BHLHE41: variants seen among roughly 807,000 people sequenced by gnomAD.
The protein encoded by BHLHE41 is class E basic helix-loop-helix protein 41.
In BHLHE41, 14 loss-of-function variants were observed where a neutral mutation model predicts 24.0. That is an observed-to-expected ratio of 0.58 (90% CI 0.39 to 0.91). BHLHE41 has a LOEUF of 0.91. BHLHE41 is among the 40% of genes least tolerant of loss of function. The pLI, the probability that BHLHE41 is intolerant of heterozygous loss-of-function variation, is 0.00. For synonymous variants in BHLHE41, 394 were observed against 315.5 expected (o/e 1.25, Z -2.64); for missense variants, 674 against 655.4 (o/e 1.03, Z -0.31).
Position 26,122,214 on chromosome 12 carries a change from A to T in BHLHE41, c.1301T>A (p.Leu434Gln). The change falls in exon 5 of 5, where the codon CTG becomes CAG. Residue 434 changes from leucine to glutamine, a missense_variant. Coordinates refer to ENST00000242728, the MANE Select transcript of BHLHE41 (RefSeq NM_030762.3). ...EKAGAAAATL[L>Q]PHEVAPLGAP... ...CCCAAGGGGCGCCACCTCGTGCGGC[A>T]GGAGGGTCGCGGCGGCGGCGCCCGC... is the stretch of plus-strand genomic sequence containing the variant. 7.5e-7 allele frequency: 1 copy of T among 1,326,142 alleles called. No homozygotes were observed. The highest frequency in any genetic ancestry group is 9.6e-7 in the Non-Finnish European group (1 of 1,040,054). 82.1% of individuals were successfully genotyped at this position (1,326,142 alleles called of 1,614,324 possible).
Position 26,122,436 on chromosome 12 carries a change from G to A in BHLHE41, c.1079C>T (p.Ala360Val), listed in dbSNP as rs1293749220. 2 of 1,355,440 alleles carry A rather than the reference G, an allele frequency of 1.5e-6. No individual in the cohort carries two copies. Among genetic ancestry groups the A allele is most frequent in the Non-Finnish European group, 1.9e-6 (2 of 1,043,564 alleles). The allele number at this position is 1,355,440 out of a possible 1,614,324, so 84.0% of individuals were successfully genotyped here. Reference sequence around the variant, plus strand: ...GTCCAGGAAGGGCTGCACGTAGGCGGCAGCTGCAGAAGGCGAGAGGAAGCA... The same window carrying A: ...GTCCAGGAAGGGCTGCACGTAGGCGACAGCTGCAGAAGGCGAGAGGAAGCA... ...PFCFLSPSAA[A>V]AYVQPFLDKS... The change falls in exon 5 of 5, where the codon GCC becomes GTC. Residue 360 changes from alanine to valine, a missense_variant. Ala to Val is a moderately conservative substitution (Grantham distance 64). Transcript: ENST00000242728.
rs755381287 is a variant in BHLHE41, at chr12:26,122,051, TC to T, written c.*14del. The T allele has an allele frequency of 6.5e-7, 1 of 1,549,146 alleles. No individual in the cohort carries two copies. Among genetic ancestry groups the T allele is most frequent in the South Asian group, 1.2e-5 (1 of 84,052 alleles). ...CTCACTCTGCTTGAACCTCCGTCCT[TC>T]GGGACGCAAGGATTCAGGGAGCTTC... is the stretch of plus-strand genomic sequence containing the variant. On this transcript the variant is annotated 3_prime_UTR_variant, in exon 5 of 5. Transcript: ENST00000242728.
In BHLHE41 at chr12:26,121,736, A is replaced by G; in HGVS notation, c.*330T>C. 1 of 340,674 alleles carries G rather than the reference A, an allele frequency of 2.9e-6. No individual in the cohort carries two copies. Among genetic ancestry groups the G allele is most frequent in the Non-Finnish European group, 5.5e-6 (1 of 182,146 alleles). The allele number at this position is 340,674 out of a possible 1,614,324, so 21.1% of individuals were successfully genotyped here. On this transcript the variant is annotated 3_prime_UTR_variant, in exon 5 of 5. Coordinates refer to ENST00000242728, the MANE Select transcript of BHLHE41 (RefSeq NM_030762.3). ...AATTAGGTTCCAATTTTAAGAGATA[A>G]TGGAACATGGCCTAAAAGGGGGCAA...
rs1944319267 is a variant in BHLHE41, at chr12:26,122,522, TCCGCCGAACGC to T, written c.982_992del (p.Ala328ArgfsTer168). 1 of 1,278,020 alleles carries T rather than the reference TCCGCCGAACGC, an allele frequency of 7.8e-7. No homozygotes were observed. The highest frequency in any genetic ancestry group is 1.6e-5 in the African/African-American group (1 of 62,562). The allele number at this position is 1,278,020 out of a possible 1,614,324, so 79.2% of individuals were successfully genotyped here. On this transcript the variant is annotated frameshift_variant, in exon 5 of 5. Transcript: ENST00000242728. LOFTEE classifies it high-confidence loss of function. The stretch of plus-strand genomic sequence containing the variant: ...GCTGCGGGAAGGGCGCGCCTCCGCC[TCCGCCGAACGC>T]CACCAGCGAGCTGAGCAGGGCGGCG...
Position 26,122,137 on chromosome 12 carries a change from G to T in BHLHE41, c.1378C>A (p.Pro460Thr). 1 of 1,548,858 alleles carries T rather than the reference G, an allele frequency of 6.5e-7. No individual in the cohort carries two copies. Among genetic ancestry groups the T allele is most frequent in the South Asian group, 1.2e-5 (1 of 83,942 alleles). The change falls in exon 5 of 5, where the codon CCC (proline) becomes ACC (threonine). Residue 460 changes from proline to threonine, a missense_variant. By Grantham distance (38) the Pro-to-Thr change is conservative. Around this residue, in one of 3 missense-constraint regions of BHLHE41, gnomAD observed 602 missense variants for 570.8 expected, o/e 1.05. Coordinates refer to ENST00000242728, the MANE Select transcript of BHLHE41 (RefSeq NM_030762.3). ...HGRTHLPFAG[P>T]REPGNPESSA... ...CTCTCCGGGTTCCCCGGCTCGCGGG[G>T]CCCGGCGAAGGGCAGGTGGGTGCGG...
chr12:26,120,434 TA>T lies in BHLHE41; in HGVS notation c.*1631del, dbSNP rs1222300297. 2 of 152,662 alleles carry T rather than the reference TA, an allele frequency of 1.3e-5. No homozygotes were observed. Among genetic ancestry groups the T allele is most frequent in the South Asian group, 2.1e-4 (1 of 4,830 alleles). 9.5% of individuals were successfully genotyped at this position (152,662 alleles called of 1,614,324 possible). On this transcript the variant is annotated 3_prime_UTR_variant, in exon 5 of 5. Coordinates refer to ENST00000242728, the MANE Select transcript of BHLHE41 (RefSeq NM_030762.3). ...CAGCTGGTTTCTCACAGACAGTATTTATTTTTTTAAAATAATTTAAGACAGC... is the reference window on the plus strand; with the variant it reads ...CAGCTGGTTTCTCACAGACAGTATTTTTTTTTTAAAATAATTTAAGACAGC...
Position 26,124,860 on chromosome 12 carries a change from T to C in BHLHE41, c.-81A>G. The C allele has an allele frequency of 7.3e-7, 1 of 1,378,454 alleles. No individual in the cohort carries two copies. The highest frequency in any genetic ancestry group is 1.0e-6 in the Non-Finnish European group (1 of 969,028). 85.4% of individuals were successfully genotyped at this position (1,378,454 alleles called of 1,614,324 possible). A position where few individuals can be genotyped will look rare whatever the true frequency, so the allele number is the denominator to read the frequency against. On this transcript the variant is annotated 5_prime_UTR_variant, in exon 1 of 5. Transcript: ENST00000242728. ...TGTGGGACGGTAGGCTTGGGAGACC[T>C]TGGGGGGATCTGTGCGTCTCCAGTC...
chr12:26,123,995 C>A, intron 3 of BHLHE41, 77 bp downstream of exon 3: 1 of 1,036,100 alleles, frequency 9.7e-7, no homozygotes, highest in South Asian at 1.3e-5. Flanking sequence ...TACATTTATT[C>A]TTATATTTTC....
rs7972225 is a variant in BHLHE41 at position 26,123,825 on chromosome 12, A to G, written c.235-84T>C. 7,367 of 906,370 alleles carry G rather than the reference A, an allele frequency of 8.1e-3. 374 individuals are homozygous for G. In the African/African-American group the frequency reaches 0.1, roughly 13 times the overall value. 56.1% of individuals were successfully genotyped at this position (906,370 alleles called of 1,614,324 possible). Reference sequence around the variant, plus strand: ...AATTGGCTGTCCATTCAGCACAGCAATTTAAGCAAACACTTTGAAAGAAGT... The same window carrying G: ...AATTGGCTGTCCATTCAGCACAGCAGTTTAAGCAAACACTTTGAAAGAAGT... On this transcript the variant is annotated intron_variant, in intron 3 of 4. Coordinates refer to ENST00000242728, the MANE Select transcript of BHLHE41 (RefSeq NM_030762.3).
rs1396493415 is a variant in BHLHE41, at chr12:26,121,277, T to G, written c.*789A>C. ...ATGAGTCCATTAATTCATGGTCAAT[T>G]TCTCAATAAAGTGTTAGCAAATGTA... On this transcript the variant is annotated 3_prime_UTR_variant, in exon 5 of 5. Coordinates refer to ENST00000242728, the MANE Select transcript of BHLHE41 (RefSeq NM_030762.3). 2.0e-5 allele frequency: 3 copies of G among 152,592 alleles called. No homozygotes were observed. Among genetic ancestry groups the G allele is most frequent in the African/African-American group, 7.2e-5 (3 of 41,444 alleles). The allele number at this position is 152,592 out of a possible 1,614,324, so 9.5% of individuals were successfully genotyped here.
At chr12:26,123,302 G>T (rs1944331692) in intron 4 of BHLHE41, 134 bp from the exon 5 acceptor site, 2 of 1,242,840 alleles carry the variant, frequency 1.6e-6, no homozygotes, top group South Asian at 1.6e-5. Flanking sequence ...CAGTATTCAA[G>T]TGATATAATC....
chr12:26,123,909 C>A, intron 3 of BHLHE41, 163 bp downstream of exon 3: 1 of 739,850 alleles, frequency 1.4e-6, no homozygotes, highest in Non-Finnish European at 2.4e-6. Context: ...TTCTTGCCTT[C>A]AGCTGGGAGC....
intron 2 of BHLHE41, 91 bp from the exon 3 acceptor site, chr12:26,124,270 A>AC: frequency 3.2e-6 from 1 of 311,342 alleles, no homozygotes; most frequent in Non-Finnish European, 5.4e-6. Flanking sequence ...CCGCCCCCCC[A>AC]CCATAAAACA....
Position 26,121,911 on chromosome 12 carries a change from G to T in BHLHE41, c.*155C>A, listed in dbSNP as rs879173748. The T allele has an allele frequency of 1.5e-5, 23 of 1,525,396 alleles. No individual in the cohort carries two copies. In the South Asian group the frequency reaches 2.7e-4, roughly 18 times the overall value. The allele number at this position is 1,525,396 out of a possible 1,614,324, so 94.5% of individuals were successfully genotyped here. A position where few individuals can be genotyped will look rare whatever the true frequency, so the allele number is the denominator to read the frequency against. On this transcript the variant is annotated 3_prime_UTR_variant, in exon 5 of 5. Coordinates refer to ENST00000242728, the MANE Select transcript of BHLHE41 (RefSeq NM_030762.3). ...AACTCCGAATGTACACATAACACCT[G>T]TTTTGTTGTTCTTGTTTATGCCTGT...
Position 26,122,925 on chromosome 12 carries a change from C to G in BHLHE41, c.590G>C (p.Gly197Ala). Residue 197 changes from glycine to alanine, a missense_variant, in exon 5 of 5, where the codon GGG becomes GCG. By Grantham distance (60) the Gly-to-Ala change is moderately conservative. Transcript: ENST00000242728. ...CTCCAGGCAGGGGGCGGCCGCGGAC[C>G]CGGCGGCCGAGGGAGCGCCGGTGCC... is the stretch of plus-strand genomic sequence containing the variant. ...SKGTGAPSAA[G>A]SAAAPCLERA... 6.4e-7 allele frequency: 1 copy of G among 1,550,948 alleles called. No individual in the cohort carries two copies. Among genetic ancestry groups the G allele is most frequent in the Non-Finnish European group, 8.7e-7 (1 of 1,146,782 alleles).
rs1261189401 is a variant in BHLHE41 at position 26,120,267 on chromosome 12, TAA to T, written c.*1797_*1798del. The T allele has an allele frequency of 3.9e-5, 6 of 152,792 alleles. No homozygotes were observed. Among genetic ancestry groups the T allele is most frequent in the African/African-American group, 1.2e-4 (5 of 41,582 alleles). 9.5% of individuals were successfully genotyped at this position (152,792 alleles called of 1,614,324 possible). A position where few individuals can be genotyped will look rare whatever the true frequency, so the allele number is the denominator to read the frequency against. ...TATTAGACAATATCATATCGTATATTAAAGTTTTTATTCCTTAGTAAGAATTT... is the reference window on the plus strand; with the variant it reads ...TATTAGACAATATCATATCGTATATTAGTTTTTATTCCTTAGTAAGAATTT... On this transcript the variant is annotated 3_prime_UTR_variant, in exon 5 of 5. Coordinates refer to ENST00000242728, the MANE Select transcript of BHLHE41 (RefSeq NM_030762.3).
rs1565664504 is a variant in BHLHE41, at chr12:26,122,497, G to C, written c.1018C>G (p.Pro340Ala). 1 of 1,319,082 alleles carries C rather than the reference G, an allele frequency of 7.6e-7. No homozygotes were observed. Among genetic ancestry groups the C allele is most frequent in the African/African-American group, 1.6e-5 (1 of 64,380 alleles). 81.7% of individuals were successfully genotyped at this position (1,319,082 alleles called of 1,614,324 possible). Residue 340 changes from proline (P) to alanine (A), a missense_variant, in exon 5 of 5, where the codon CCC becomes GCC. Around this residue, in one of 3 missense-constraint regions of BHLHE41, gnomAD observed 602 missense variants for 570.8 expected, o/e 1.05. Transcript: ENST00000242728. ...CAGAAGGGGGCCGCGGCGGCCGCGG[G>C]CTGCGGGAAGGGCGCGCCTCCGCCT... ...GGGGGAPFPQ[P>A]AAAAAPFCLP... is the part of the protein sequence containing the mutation.
chr12:26,123,559 A>G lies in BHLHE41; in HGVS notation c.346+71T>C, dbSNP rs376838807. 326 of 1,030,326 alleles carry G rather than the reference A, an allele frequency of 3.2e-4. 3 individuals are homozygous for G. In the African/African-American group the frequency reaches 3.6e-3, roughly 11 times the overall value. 63.8% of individuals were successfully genotyped at this position (1,030,326 alleles called of 1,614,324 possible). On this transcript the variant is annotated intron_variant, in intron 4 of 4. Transcript: ENST00000242728. ...GAAAGAGATGGGGTGCGGGTGAGGG[A>G]GTCCTGACACTGCTCCCCTGTGGGC...
rs1321835508 is a variant in BHLHE41 at position 26,121,919 on chromosome 12, GTTC to G, written c.*144_*146del. 1.0e-5 allele frequency: 16 copies of G among 1,528,886 alleles called. No individual in the cohort carries two copies. Among genetic ancestry groups the G allele is most frequent in the Non-Finnish European group, 1.4e-5 (16 of 1,137,890 alleles). 94.7% of individuals were successfully genotyped at this position (1,528,886 alleles called of 1,614,324 possible). A position where few individuals can be genotyped will look rare whatever the true frequency, so the allele number is the denominator to read the frequency against. On this transcript the variant is annotated 3_prime_UTR_variant, in exon 5 of 5. Coordinates refer to ENST00000242728, the MANE Select transcript of BHLHE41 (RefSeq NM_030762.3). ...ATGTACACATAACACCTGTTTTGTT[GTTC>G]TTGTTTATGCCTGTCGTGCATCTAT...
Sources: allele counts gnomAD v4.1 joint callset, GRCh38; gene constraint gnomAD v4.1.1; regional missense constraint gnomAD v4.1.1; transcripts MANE v1.5; gene names NCBI Gene and HGNC (gene_info 2026-07-23, HGNC 2026-07-21).